Variants in UGP2 observed in about 807,000 individuals in gnomAD.
The protein encoded by UGP2 is UDP-glucose pyrophosphorylase 2, also known as UTP--glucose-1-phosphate uridylyltransferase.
Under a neutral mutation model 49.0 loss-of-function variants are expected in UGP2, and 40 were observed. That is an observed-to-expected ratio of 0.82 (90% CI 0.63 to 1.06). UGP2 has a LOEUF of 1.06. UGP2 is among the 50% of genes least tolerant of loss of function. The probability of loss-of-function intolerance (pLI) is 0.00; values close to 1 mark genes in which losing one functional copy is unlikely to be tolerated. For missense variants in UGP2, 460 were observed against 603.5 expected, an observed-to-expected ratio of 0.76 and a Z score of 2.49; for synonymous variants, 225 against 213.0, an observed-to-expected ratio of 1.06 and a Z score of -0.49.
intron 1 of UGP2, among the ~76,000 whole-genome samples, chr2:63,853,007 A>G (rs1669141619): frequency 6.6e-6 from 1 of 152,158 alleles, no homozygotes; most frequent in Non-Finnish European, 1.5e-5. Flanking sequence ...AGCTCAGGAA[A>G]AAAGTTTAGG....
intron 3 of UGP2, among the ~76,000 whole-genome samples, chr2:63,874,532 CAG>C (rs1394221864): frequency 3.3e-5 from 5 of 152,272 alleles, no homozygotes; most frequent in South Asian, 2.1e-4. Flanking sequence ...AGGAGGAAAA[CAG>C]AGTATGGTGT....
chr2:63,843,971 C>T (rs1405367011), intron 1 of UGP2, among the ~76,000 whole-genome samples: 1 of 152,334 alleles, frequency 6.6e-6, no homozygotes, highest in Middle Eastern at 3.4e-3. Flanking sequence ...TCATAGTGCA[C>T]TACAGCCTCA....
chr2:63,856,966 A>G, intron 2 of UGP2: 1 of 380,642 alleles, frequency 2.6e-6, no homozygotes, highest in South Asian at 2.0e-5. Context: ...TCTTTTAGTG[A>G]AGATTAATTT....
chr2:63,858,061 T>A (rs1669570261), intron 3 of UGP2, 125 bp downstream of exon 3: 1 of 814,356 alleles, frequency 1.2e-6, no homozygotes, highest in Non-Finnish European at 1.9e-6. Flanking sequence ...TTGCTTTGAA[T>A]TCTCTGACCC....
At chr2:63,857,711 C>T (rs994461811) in intron 2 of UGP2, 118 bp from the exon 3 acceptor site, 1 of 1,083,918 alleles carries the variant, frequency 9.2e-7, no homozygotes, top group Non-Finnish European at 1.4e-6. Flanking sequence ...CCTCCATGTC[C>T]TAATGGTGTA....
chr2:63,844,840 G>A (rs188812059), intron 1 of UGP2, among the ~76,000 whole-genome samples: 3 of 152,292 alleles, frequency 2.0e-5, no homozygotes, highest in African/African-American at 7.2e-5. Context: ...GGGATTACAG[G>A]TGTGAGCTGC....
At chr2:63,871,474 C>T (rs1057178135) in intron 3 of UGP2, among the ~76,000 whole-genome samples, 3 of 152,122 alleles carry the variant, frequency 2.0e-5, no homozygotes, top group South Asian at 2.1e-4. Context: ...TTAGTAGAGA[C>T]GGGGTTTTGC....
chr2:63,885,423 C>G (rs1359642410), intron 5 of UGP2, among the ~76,000 whole-genome samples, 166 bp from the exon 6 acceptor site: 1 of 152,122 alleles, frequency 6.6e-6, no homozygotes, highest in Non-Finnish European at 1.5e-5. Context: ...TTGGACAACA[C>G]AGATACTGAG....
At chr2:63,856,663 T>TA (rs1333419890) in intron 2 of UGP2, 6 of 543,900 alleles carry the variant, frequency 1.1e-5, no homozygotes, top group Non-Finnish European at 1.7e-5. Flanking sequence ...TCAAAGTCAT[T>TA]AAAATAATCA....
At chr2:63,889,891 G>T in intron 8 of UGP2, 190 bp from the exon 9 acceptor site, 1 of 490,072 alleles carries the variant, frequency 2.0e-6, no homozygotes, top group Non-Finnish European at 3.6e-6. Context: ...AACAATGTTT[G>T]TAGCTCCTGG....
At chr2:63,854,685 T>TA (rs1172275291) in intron 1 of UGP2, among the ~76,000 whole-genome samples, 4 of 152,216 alleles carry the variant, frequency 2.6e-5, no homozygotes, top group African/African-American at 9.6e-5. Context: ...CTTTAATCAC[T>TA]AAAAACAGAG....
In UGP2 at chr2:63,885,634, CG is replaced by C. The variant is rs778704282; in HGVS notation, c.622del (p.Val208CysfsTer33). Reference protein sequence around the residue: ...KESLLPVAKDVSYSGENTEAW... With the variant: ...KESLLPVAKDXSYSGENTEAW... ...AATCTTTACTTCCTGTAGCAAAGGA[CG>C]TGTCTTACTCAGGGGAAAATACAGA... On this transcript the variant is annotated frameshift_variant, in exon 6 of 10. Transcript: ENST00000337130. LOFTEE classifies it high-confidence loss of function. The C allele has an allele frequency of 6.3e-7, 1 of 1,594,636 alleles. No homozygotes were observed.
intron 3 of UGP2, among the ~76,000 whole-genome samples, chr2:63,879,225 A>C (rs902663389): frequency 6.6e-6 from 1 of 152,124 alleles, no homozygotes; most frequent in Non-Finnish European, 1.5e-5. Context: ...TTGTTCCCTC[A>C]AAAAGGGAAT....
At chr2:63,849,577 C>T (rs1325579531) in intron 1 of UGP2, among the ~76,000 whole-genome samples, 1 of 152,186 alleles carries the variant, frequency 6.6e-6, no homozygotes, top group Non-Finnish European at 1.5e-5. Flanking sequence ...AGTTGAAGAG[C>T]ATGAGATGCA....
intron 2 of UGP2, 153 bp from the exon 3 acceptor site, chr2:63,857,676 T>G: frequency 1.3e-6 from 1 of 791,560 alleles, no homozygotes; most frequent in Non-Finnish European, 2.1e-6. Context: ...TGTATTAGCT[T>G]TTAGGATGTG....
intron 3 of UGP2, among the ~76,000 whole-genome samples, chr2:63,881,191 G>A (rs1281184411): frequency 6.6e-6 from 1 of 152,032 alleles, no homozygotes; most frequent in Non-Finnish European, 1.5e-5. Context: ...GTTTTTTTGT[G>A]GAAAGCTGTT....
intron 1 of UGP2, among the ~76,000 whole-genome samples, chr2:63,845,612 C>T (rs1671874325): frequency 1.3e-5 from 2 of 151,448 alleles, no homozygotes; most frequent in Admixed American, 6.6e-5. Context: ...AACTTGAGTA[C>T]AAGTTGGTGA....
At chr2:63,878,374 A>G (rs1671065494) in intron 3 of UGP2, among the ~76,000 whole-genome samples, 1 of 152,214 alleles carries the variant, frequency 6.6e-6, no homozygotes. Context: ...ATAATTGCAT[A>G]ACACTTTTGT....
intron 1 of UGP2, among the ~76,000 whole-genome samples, chr2:63,853,839 A>T (rs1365761735): frequency 6.6e-6 from 1 of 152,232 alleles, no homozygotes; most frequent in Non-Finnish European, 1.5e-5. Context: ...TCCTATGAAC[A>T]GGAAGAATTA....
Sources: allele counts gnomAD v4.1 joint callset (sites outside exome capture counted in the v4.1 genomes callset), GRCh38; gene constraint gnomAD v4.1.1; transcripts MANE v1.5; gene names NCBI Gene and HGNC (gene_info 2026-07-23, HGNC 2026-07-21).